Variants in LRP1B observed in about 807,000 individuals in gnomAD.
LRP1B encodes low-density lipoprotein receptor-related protein 1B.
LRP1B carries 217 observed loss-of-function variants against 556.6 expected under a neutral mutation model. The ratio of observed to expected loss-of-function variants is 0.39; its 90% CI spans 0.35 to 0.44. LRP1B has a LOEUF of 0.44. Among genes scored for constraint, LRP1B ranks in the 20% least tolerant of loss-of-function variants. The probability of loss-of-function intolerance (pLI) is 1.00; values close to 1 mark genes in which losing one functional copy is unlikely to be tolerated. For synonymous variants in LRP1B, 2,047 were observed against 1,865.8 expected (o/e 1.10, Z -2.50); for missense variants, 5,053 against 5,620.8 (o/e 0.90, Z 3.23).
At chr2:141,469,669 TG>T in intron 3 of LRP1B, among the ~76,000 whole-genome samples, 1 of 152,222 alleles carries the variant, frequency 6.6e-6, no homozygotes, top group African/African-American at 2.4e-5. Flanking sequence ...ATGAAAACAC[TG>T]GCTGAAAATC....
At chr2:141,082,711 T>A (rs1281979580) in intron 7 of LRP1B, among the ~76,000 whole-genome samples, 2 of 152,190 alleles carry the variant, frequency 1.3e-5, no homozygotes, top group African/African-American at 4.8e-5. Context: ...ATATAGGGTA[T>A]TACTGGGGTA....
chr2:140,630,604 G>A lies in LRP1B; in HGVS notation c.6800-28965C>T, dbSNP rs550601618. Among the ~76,000 whole-genome samples, 3 of 152,272 alleles carry A rather than the reference G, an allele frequency of 2.0e-5. No homozygotes were observed. The East Asian group carries it at 5.8e-4, about 29-fold the overall frequency. ...ACTCTTTCAACTTGCGGTCTTAGGA[G>A]AGCTGCACATTTTTGTGTGCTTTAC... is the stretch of plus-strand genomic sequence containing the variant. On this transcript the variant is annotated intron_variant, in intron 41 of 90. Transcript: ENST00000389484.
chr2:140,540,948 T>C, intron 45 of LRP1B, 25 bp downstream of exon 45: 1 of 1,600,266 alleles, frequency 6.2e-7, no homozygotes. Context: ...ATTTGTCATA[T>C]TACATTTCAA....
At chr2:141,201,699 G>A (rs960875776) in intron 6 of LRP1B, among the ~76,000 whole-genome samples, 3 of 151,852 alleles carry the variant, frequency 2.0e-5, no homozygotes, top group Middle Eastern at 3.2e-3. Flanking sequence ...TGTAGACTCC[G>A]AATCTAAATC....
intron 1 of LRP1B, among the ~76,000 whole-genome samples, chr2:141,830,723 C>T (rs1009601578): frequency 5.3e-5 from 8 of 151,660 alleles, no homozygotes; most frequent in Non-Finnish European, 8.9e-5. Flanking sequence ...TTTATATTTA[C>T]ATAAATTTTA....
intron 3 of LRP1B, among the ~76,000 whole-genome samples, chr2:141,445,151 A>G (rs1189835652): frequency 6.6e-6 from 1 of 152,046 alleles, no homozygotes; most frequent in Non-Finnish European, 1.5e-5. Flanking sequence ...CTGGTTTAGT[A>G]TTGGGAGGGT....
intron 43 of LRP1B, among the ~76,000 whole-genome samples, chr2:140,595,810 G>A (rs1682418986): frequency 6.6e-6 from 1 of 152,126 alleles, no homozygotes; most frequent in Non-Finnish European, 1.5e-5. Flanking sequence ...ACTTGGTAAT[G>A]TTCATGCAAT....
intron 66 of LRP1B, among the ~76,000 whole-genome samples, chr2:140,440,743 A>ATGTGTTTGTGTGTGTGTGTGTG (rs1686388952): frequency 6.6e-6 from 1 of 150,498 alleles, no homozygotes; most frequent in Admixed American, 6.6e-5. Context: ...CTCTGTATGT[A>ATGTGTTTGTGTGTGTGTGTGTG]TGTGTGTGTG....
In LRP1B at chr2:141,644,762, C is replaced by CACACAT. The variant is rs397774024; in HGVS notation, c.206-164230_206-164229insATGTGT. On this transcript the variant is annotated intron_variant, in intron 2 of 90. Coordinates refer to ENST00000389484, the MANE Select transcript of LRP1B (RefSeq NM_018557.3). ...ACACACACACACACACACACACACA[C>CACACAT]GCATACACATGCACACACACACAAC... 4.7e-3 allele frequency among the ~76,000 whole-genome samples: 698 copies of CACACAT among 147,256 alleles called. 5 individuals are homozygous for CACACAT. The highest frequency in any genetic ancestry group is 0.017 in the African/African-American group (661 of 39,168).
intron 83 of LRP1B, among the ~76,000 whole-genome samples, chr2:140,311,150 T>C (rs573323026): frequency 3.3e-5 from 5 of 151,896 alleles, no homozygotes; most frequent in African/African-American, 9.6e-5. Context: ...AAACTACCAT[T>C]TGATACAGCA....
intron 2 of LRP1B, among the ~76,000 whole-genome samples, chr2:141,660,483 C>A (rs543370699): frequency 2.5e-4 from 38 of 152,176 alleles, no homozygotes; most frequent in Admixed American, 2.3e-3. Context: ...CAGTTCCCCC[C>A]CGCTGGTGCC....
chr2:141,167,386 T>C (rs776645101), intron 7 of LRP1B: 1 of 151,920 alleles, frequency 6.6e-6, no homozygotes, highest in Non-Finnish European at 1.5e-5. Context: ...ACAAATATAG[T>C]TCCCATTATA....
intron 1 of LRP1B, among the ~76,000 whole-genome samples, chr2:141,846,214 A>G (rs577050398): frequency 5.9e-5 from 9 of 151,926 alleles, no homozygotes; most frequent in African/African-American, 1.7e-4. Context: ...AGGAAATTTT[A>G]TAGATGTTGT....
intron 3 of LRP1B, among the ~76,000 whole-genome samples, chr2:141,267,363 A>T (rs1184741667): frequency 6.6e-6 from 1 of 152,162 alleles, no homozygotes. Flanking sequence ...TGTTTATATG[A>T]ATATTAAAAA....
chr2:141,000,870 CA>C (rs1265394637), intron 15 of LRP1B, among the ~76,000 whole-genome samples: 8 of 151,348 alleles, frequency 5.3e-5, no homozygotes, highest in African/African-American at 1.9e-4. Flanking sequence ...CTGTAGTCTA[CA>C]ATGTTGATTT....
chr2:140,489,248 T>C (rs977321332), intron 57 of LRP1B, among the ~76,000 whole-genome samples: 3 of 152,092 alleles, frequency 2.0e-5, no homozygotes, highest in Non-Finnish European at 2.9e-5. Context: ...TTTCTTGAGG[T>C]CCAGATTACA....
chr2:140,924,273 C>A (rs929446937), intron 20 of LRP1B, among the ~76,000 whole-genome samples: 1 of 151,960 alleles, frequency 6.6e-6, no homozygotes, highest in African/African-American at 2.4e-5. Context: ...GTCACTTACT[C>A]TTTTGAGACC....
chr2:141,073,550 A>C lies in LRP1B; in HGVS notation c.1014-11277T>G, dbSNP rs137886937. On this transcript the variant is annotated intron_variant, in intron 7 of 90. Transcript: ENST00000389484. ...CATGACTTTCATTAATGTTACAATA[A>C]CTCACTAATATTCTAGCCTGTCATC... Among the ~76,000 whole-genome samples, 993 of 152,134 alleles carry C rather than the reference A, an allele frequency of 6.5e-3. 12 individuals carry two copies. The highest frequency in any genetic ancestry group is 0.022 in the African/African-American group (926 of 41,522).
At position 140,489,730 on chromosome 2, in the gene LRP1B, G is replaced by T. The variant is rs550266979; in HGVS notation, c.9121-1991C>A. On this transcript the variant is annotated intron_variant, in intron 57 of 90. Transcript: ENST00000389484. ...ATTCTGTGATGGCTTGGCAATTCAG[G>T]TGGCTAAATTAGAGAGCTTTGCAGG... Among the ~76,000 whole-genome samples the T allele has an allele frequency of 6.7e-4, 102 of 152,064 alleles. 1 individual carries two copies. The highest frequency in any genetic ancestry group is 2.3e-3 in the African/African-American group (94 of 41,510).
Sources: allele counts gnomAD v4.1 joint callset (sites outside exome capture counted in the v4.1 genomes callset), GRCh38; gene constraint gnomAD v4.1.1; transcripts MANE v1.5; gene names NCBI Gene and HGNC (gene_info 2026-07-23, HGNC 2026-07-21).